MYO1E: variants seen among roughly 807,000 people sequenced by gnomAD.
MYO1E encodes unconventional myosin-Ie.
In MYO1E, 68 loss-of-function variants were observed where a neutral mutation model predicts 151.1. That is an observed-to-expected ratio of 0.45 (90% CI 0.37 to 0.55). The LOEUF is 0.55. MYO1E is among the 20% of genes least tolerant of loss of function. The pLI, the probability that MYO1E is intolerant of heterozygous loss-of-function variation, is 0.00. For synonymous variants in MYO1E, 601 were observed against 501.7 expected, an observed-to-expected ratio of 1.20 and a Z score of -2.64; for missense variants, 1,363 against 1,389.3, an observed-to-expected ratio of 0.98 and a Z score of 0.30.
chr15:59,255,035 A>G (rs1230389706), intron 4 of MYO1E, among the ~76,000 whole-genome samples: 5 of 152,130 alleles, frequency 3.3e-5, no homozygotes, highest in African/African-American at 1.2e-4. Flanking sequence ...CATGTTGCCA[A>G]GGCTGGTCTT....
At chr15:59,252,441 G>A (rs1173935517) in intron 4 of MYO1E, among the ~76,000 whole-genome samples, 1 of 152,182 alleles carries the variant, frequency 6.6e-6, no homozygotes, top group Non-Finnish European at 1.5e-5. Context: ...GAGGCTGGGT[G>A]CAGTGGCTCA....
intron 1 of MYO1E, among the ~76,000 whole-genome samples, chr15:59,336,933 T>A (rs1260264622): frequency 6.6e-6 from 1 of 152,196 alleles, no homozygotes; most frequent in African/African-American, 2.4e-5. Flanking sequence ...TCATCCTTTT[T>A]TATGGCTGCA....
intron 24 of MYO1E, among the ~76,000 whole-genome samples, chr15:59,158,896 A>G (rs2079522956): frequency 6.6e-6 from 1 of 152,188 alleles, no homozygotes; most frequent in Non-Finnish European, 1.5e-5. Flanking sequence ...TGTACCCTTG[A>G]CACAGACATG....
chr15:59,191,334 G>GAGAGAGAC (rs2079732145), intron 17 of MYO1E, among the ~76,000 whole-genome samples: 1 of 79,218 alleles, frequency 1.3e-5, no homozygotes, highest in African/African-American at 4.8e-5. Flanking sequence ...GACAGAGACA[G>GAGAGAGAC]AGAGAGAGAG....
chr15:59,273,144 G>C (rs1218802319), intron 1 of MYO1E, among the ~76,000 whole-genome samples: 2 of 152,250 alleles, frequency 1.3e-5, no homozygotes, highest in Non-Finnish European at 2.9e-5. Flanking sequence ...ATGCCCAGGA[G>C]GGGAAGGCCT....
At chr15:59,209,023 C>T in intron 13 of MYO1E, 175 bp from the exon 14 acceptor site, 1 of 762,622 alleles carries the variant, frequency 1.3e-6, no homozygotes, top group South Asian at 1.6e-5. Context: ...GGAGTCACCA[C>T]TTAGATCTAA....
chr15:59,250,881 G>T (rs759729842), intron 4 of MYO1E, among the ~76,000 whole-genome samples: 1 of 152,162 alleles, frequency 6.6e-6, no homozygotes, highest in Non-Finnish European at 1.5e-5. Flanking sequence ...GATCTGAAGT[G>T]GGCATCATCC....
chr15:59,290,430 C>T (rs11071425), intron 1 of MYO1E, among the ~76,000 whole-genome samples: 78,630 of 151,916 alleles, frequency 0.52, 21,442 homozygotes, highest in Middle Eastern at 0.67. Flanking sequence ...AGAAAGATCA[C>T]GGGCACAGGA....
At position 59,333,528 on chromosome 15, in the gene MYO1E, G is replaced by A. The variant is rs373745584; in HGVS notation, c.3+38970C>T. On this transcript the variant is annotated intron_variant, in intron 1 of 27. Coordinates refer to ENST00000288235, the MANE Select transcript of MYO1E (RefSeq NM_004998.4). ...AAACTGCTAGGCTATAGGTGAGAGC[G>A]AGGTATCTACTTTTGAATCTAGTCC... Among the ~76,000 whole-genome samples, 22 of 152,222 alleles carry A rather than the reference G, an allele frequency of 1.4e-4. No homozygotes were observed. The East Asian group carries it at 3.9e-3, about 27-fold the overall frequency.
At chr15:59,236,719 C>G (rs770231867) in intron 4 of MYO1E, 47 bp from the exon 5 acceptor site, 1 of 1,465,524 alleles carries the variant, frequency 6.8e-7, no homozygotes, top group African/African-American at 1.4e-5. Flanking sequence ...GGATTGCGAC[C>G]AGCTCCCTTC....
chr15:59,221,949 T>C (rs1460086547), intron 9 of MYO1E, among the ~76,000 whole-genome samples: 2 of 152,228 alleles, frequency 1.3e-5, no homozygotes, highest in Non-Finnish European at 2.9e-5. Flanking sequence ...TGGAAATATA[T>C]GTGCATTTGT....
intron 1 of MYO1E, among the ~76,000 whole-genome samples, chr15:59,294,439 C>G (rs1220727747): frequency 1.3e-5 from 2 of 152,214 alleles, no homozygotes; most frequent in African/African-American, 2.4e-5. Context: ...ATTCCTTATT[C>G]CCAAATGTCC....
rs1268332629 is a variant in MYO1E, at chr15:59,137,021, CA to C, written c.*358del. 1 of 379,088 alleles carries C rather than the reference CA, an allele frequency of 2.6e-6. No homozygotes were observed. Among genetic ancestry groups the C allele is most frequent in the East Asian group, 6.3e-5 (1 of 15,930 alleles). The allele number at this position is 379,088 out of a possible 1,614,324, so 23.5% of individuals were successfully genotyped here. A position where few individuals can be genotyped will look rare whatever the true frequency, so the allele number is the denominator to read the frequency against. On this transcript the variant is annotated 3_prime_UTR_variant, in exon 28 of 28. Coordinates refer to ENST00000288235, the MANE Select transcript of MYO1E (RefSeq NM_004998.4). ...AAAGGCACTTGTCAGCGGCCACCTA[CA>C]GCCATTCTCTAGGCCTGGTGAGCAA...
intron 1 of MYO1E, among the ~76,000 whole-genome samples, chr15:59,359,419 G>A (rs576984793): frequency 3.0e-4 from 46 of 151,476 alleles, no homozygotes; most frequent in South Asian, 1.3e-3. Flanking sequence ...AGCCTAGGAG[G>A]TTGAGGCTAC....
chr15:59,316,419 C>T (rs1415150230), intron 1 of MYO1E, among the ~76,000 whole-genome samples: 1 of 152,116 alleles, frequency 6.6e-6, no homozygotes, highest in Non-Finnish European at 1.5e-5. Flanking sequence ...TGCTAATTAA[C>T]TCATACCCAA....
intron 26 of MYO1E, among the ~76,000 whole-genome samples, chr15:59,151,086 C>T (rs1596342713): frequency 1.3e-5 from 2 of 151,740 alleles, no homozygotes; most frequent in South Asian, 4.2e-4. Flanking sequence ...GAGAGGTCTA[C>T]ATAAGGGCGG....
chr15:59,216,685 T>TATATATATAC (rs1232339026), intron 10 of MYO1E, among the ~76,000 whole-genome samples: 1 of 38,638 alleles, frequency 2.6e-5, no homozygotes, highest in Admixed American at 2.8e-4. Flanking sequence ...TATATATATA[T>TATATATATAC]ACACATACAC....
chr15:59,314,633 G>A (rs536198934), intron 1 of MYO1E, among the ~76,000 whole-genome samples: 6 of 151,910 alleles, frequency 3.9e-5, no homozygotes, highest in African/African-American at 1.4e-4. Flanking sequence ...TTTCACTCCG[G>A]GGCAGCTCTG....
chr15:59,172,968 T>A (rs2079604319), intron 21 of MYO1E, among the ~76,000 whole-genome samples: 1 of 152,218 alleles, frequency 6.6e-6, no homozygotes, highest in Non-Finnish European at 1.5e-5. Context: ...TCGTTAAATT[T>A]TTTTCTTGAC....
Sources: allele counts gnomAD v4.1 joint callset (sites outside exome capture counted in the v4.1 genomes callset), GRCh38; gene constraint gnomAD v4.1.1; transcripts MANE v1.5; gene names NCBI Gene and HGNC (gene_info 2026-07-23, HGNC 2026-07-21).